Variants in PRRX1 observed in about 807,000 individuals in gnomAD.
The protein encoded by PRRX1 is paired related homeobox 1.
In PRRX1, 8 loss-of-function variants were observed where a neutral mutation model predicts 24.0. The observed-to-expected ratio is 0.33, with a 90% CI of 0.20 to 0.60. The LOEUF (loss-of-function observed/expected upper bound fraction) is 0.60, where lower values mean the gene tolerates loss of function less well. PRRX1 is among the 20% of genes least tolerant of loss of function. The pLI, the probability that PRRX1 is intolerant of heterozygous loss-of-function variation, is 0.82. For synonymous variants in PRRX1, 160 were observed against 131.7 expected (o/e 1.22, Z -1.47); for missense variants, 281 against 322.4 (o/e 0.87, Z 0.98).
intron 1 of PRRX1, chr1:170,668,874 G>A (rs966510134): frequency 1.3e-5 from 2 of 152,136 alleles, no homozygotes; most frequent in African/African-American, 4.8e-5. Context: ...GAAATATAAA[G>A]CTTTAAGGGT....
At chr1:170,730,561 G>C in intron 3 of PRRX1, 1 of 539,540 alleles carries the variant, frequency 1.9e-6, no homozygotes, top group Non-Finnish European at 3.3e-6. Context: ...TTCAGAGATT[G>C]CTGTGCACAG....
intron 3 of PRRX1, among the ~76,000 whole-genome samples, chr1:170,733,786 G>A (rs539884922): frequency 6.6e-6 from 1 of 151,980 alleles, no homozygotes; most frequent in Admixed American, 6.6e-5. Context: ...TCGGATTCTT[G>A]GTATACCCTA....
chr1:170,666,497 C>A (rs1468098323), intron 1 of PRRX1, among the ~76,000 whole-genome samples: 1 of 151,546 alleles, frequency 6.6e-6, no homozygotes, highest in Non-Finnish European at 1.5e-5. Context: ...CACGTCCAGT[C>A]GTTTCTGTTT....
chr1:170,712,589 C>T (rs1249549869), intron 1 of PRRX1, among the ~76,000 whole-genome samples: 1 of 152,164 alleles, frequency 6.6e-6, no homozygotes, highest in Non-Finnish European at 1.5e-5. Context: ...TATGGTAGCA[C>T]TGGTAGAAGT....
At chr1:170,679,438 T>C (rs1040381741) in intron 1 of PRRX1, among the ~76,000 whole-genome samples, 13 of 152,160 alleles carry the variant, frequency 8.5e-5, no homozygotes, top group Non-Finnish European at 1.5e-4. Flanking sequence ...CTGGCTCTGT[T>C]GCCCAGGCTG....
chr1:170,689,109 T>TC (rs1304486690), intron 1 of PRRX1, among the ~76,000 whole-genome samples: 1 of 152,168 alleles, frequency 6.6e-6, no homozygotes, highest in Admixed American at 6.6e-5. Flanking sequence ...ATCCATTGGT[T>TC]CCCCATCTCA....
chr1:170,697,451 A>C lies in PRRX1; in HGVS notation c.242-22275A>C, dbSNP rs553564222. 2.6e-5 allele frequency among the ~76,000 whole-genome samples: 4 copies of C among 152,014 alleles called. No individual in the cohort carries two copies. In the South Asian group the frequency reaches 8.3e-4, roughly 31 times the overall value. The stretch of plus-strand genomic sequence containing the variant: ...ATAATAATACATGTAAGACAAGCTT[A>C]TCTTAAAGAATTAGAGAACTATATA... On this transcript the variant is annotated intron_variant, in intron 1 of 3. Transcript: ENST00000239461.
intron 1 of PRRX1, among the ~76,000 whole-genome samples, chr1:170,681,976 T>A (rs1186118644): frequency 6.6e-6 from 1 of 152,230 alleles, no homozygotes. Flanking sequence ...CTAATTTGGC[T>A]GTTTGGAACT....
At chr1:170,720,452 C>A (rs1407203085) in intron 2 of PRRX1, among the ~76,000 whole-genome samples, 1 of 152,156 alleles carries the variant, frequency 6.6e-6, no homozygotes, top group Non-Finnish European at 1.5e-5. Context: ...TCAGGTAGGG[C>A]AGAATAATCC....
chr1:170,692,255 T>C (rs2101898843), intron 1 of PRRX1, among the ~76,000 whole-genome samples: 1 of 149,936 alleles, frequency 6.7e-6, no homozygotes, highest in East Asian at 1.9e-4. Flanking sequence ...CCCTTTCTAA[T>C]AACTGACATA....
At chr1:170,671,499 C>G (rs1653145108) in intron 1 of PRRX1, among the ~76,000 whole-genome samples, 1 of 152,240 alleles carries the variant, frequency 6.6e-6, no homozygotes, top group Admixed American at 6.5e-5. Context: ...CCTCGCCAGA[C>G]GCTTTCCTCC....
chr1:170,700,510 A>T (rs1654320088), intron 1 of PRRX1, among the ~76,000 whole-genome samples: 1 of 152,154 alleles, frequency 6.6e-6, no homozygotes, highest in Middle Eastern at 3.2e-3. Flanking sequence ...AGAATTGAAA[A>T]CAGACCTATA....
Position 170,739,061 on chromosome 1 carries a change from T to G in PRRX1, c.*2875T>G, listed in dbSNP as rs932167987. 4.6e-6 allele frequency: 1 copy of G among 217,460 alleles called. No individual in the cohort carries two copies. Among genetic ancestry groups the G allele is most frequent in the Non-Finnish European group, 9.3e-6 (1 of 108,104 alleles). 13.5% of individuals were successfully genotyped at this position (217,460 alleles called of 1,614,324 possible). A position where few individuals can be genotyped will look rare whatever the true frequency, so the allele number is the denominator to read the frequency against. ...TATGTGATTTGGAAAAGATGCCTTC[T>G]GGATCTTAAGCCAGTTGTCAGTGGA... On this transcript the variant is annotated 3_prime_UTR_variant, in exon 4 of 4. Coordinates refer to ENST00000239461, the MANE Select transcript of PRRX1 (RefSeq NM_022716.4).
Position 170,738,452 on chromosome 1 carries a change from T to C in PRRX1, c.*2266T>C, listed in dbSNP as rs34963551. ...TATTAAAACATTTCTTACTGAATGGTTCATGTAGGCTTGCTGAACAGCACG... is the reference window on the plus strand; with the variant it reads ...TATTAAAACATTTCTTACTGAATGGCTCATGTAGGCTTGCTGAACAGCACG... On this transcript the variant is annotated 3_prime_UTR_variant, in exon 4 of 4. Transcript: ENST00000239461. The C allele has an allele frequency of 3.9e-5, 9 of 228,274 alleles. No homozygotes were observed. Among genetic ancestry groups the C allele is most frequent in the Non-Finnish European group, 7.8e-5 (9 of 115,070 alleles). 14.1% of individuals were successfully genotyped at this position (228,274 alleles called of 1,614,324 possible). A position where few individuals can be genotyped will look rare whatever the true frequency, so the allele number is the denominator to read the frequency against.
chr1:170,664,095 C>CTCTCTCTCTCTCTCTCTCTCTT (rs1458837491), upstream of PRRX1: 15 of 994,258 alleles, frequency 1.5e-5, no homozygotes, highest in Middle Eastern at 3.2e-4. Flanking sequence ...CTCCCTCTCT[C>CTCTCTCTCTCTCTCTCTCTCTT]TCTCTCTCTC....
In PRRX1 at chr1:170,664,338, A is replaced by G; in HGVS notation, c.120A>G (p.Leu40=). Reference sequence around the variant, plus strand: ...AGAACTTCTCCGTCAGTCACCTGCTAGACCTGGAGGAAGCCGGGGACATGG... The same window carrying G: ...AGAACTTCTCCGTCAGTCACCTGCTGGACCTGGAGGAAGCCGGGGACATGG... ...AKKNFSVSHL[L]DLEEAGDMVA... The change falls in exon 1 of 4, where the codon CTA becomes CTG. Residue 40 remains leucine, a synonymous_variant. Transcript: ENST00000239461. 1 of 1,614,028 alleles carries G rather than the reference A, an allele frequency of 6.2e-7. No homozygotes were observed. The highest frequency in any genetic ancestry group is 1.1e-5 in the South Asian group (1 of 91,054).
chr1:170,686,174 G>T (rs926308999), intron 1 of PRRX1, among the ~76,000 whole-genome samples: 1 of 122,860 alleles, frequency 8.1e-6, no homozygotes, highest in Admixed American at 8.3e-5. Flanking sequence ...CCTTAGTTAA[G>T]GGTACAAAAA....
At chr1:170,731,740 C>T (rs1157155688) in intron 3 of PRRX1, among the ~76,000 whole-genome samples, 1 of 152,150 alleles carries the variant, frequency 6.6e-6, no homozygotes, top group Admixed American at 6.5e-5. Flanking sequence ...CTCTCTATGG[C>T]TGTGTTGCAT....
At chr1:170,679,996 C>T (rs1653454934) in intron 1 of PRRX1, among the ~76,000 whole-genome samples, 1 of 152,014 alleles carries the variant, frequency 6.6e-6, no homozygotes, top group Non-Finnish European at 1.5e-5. Flanking sequence ...TTTTCTGATG[C>T]TGATTTTTGA....
Sources: gnomAD v4.1 joint callset for allele counts (sites outside exome capture counted in the v4.1 genomes callset) on GRCh38, gnomAD v4.1.1 for gene constraint, MANE v1.5 for transcripts, NCBI Gene and HGNC (gene_info 2026-07-23, HGNC 2026-07-21) for gene names.